Variants in NPAS3 observed in about 807,000 individuals in gnomAD.
NPAS3 encodes neuronal PAS domain protein 3.
NPAS3 carries 14 observed loss-of-function variants against 73.1 expected under a neutral mutation model. The observed-to-expected ratio is 0.19, with a 90% confidence interval of 0.13 to 0.30. The LOEUF is 0.30. NPAS3 is among the 10% of genes least tolerant of loss of function. The pLI, the probability that NPAS3 is intolerant of heterozygous loss-of-function variation, is 1.00. For synonymous variants in NPAS3, 620 were observed against 541.5 expected (o/e 1.14, Z -2.01); for missense variants, 1,096 against 1,250.0 (o/e 0.88, Z 1.86).
At chr14:33,710,867 C>T (rs913987085) in intron 6 of NPAS3, among the ~76,000 whole-genome samples, 4 of 152,170 alleles carry the variant, frequency 2.6e-5, no homozygotes, top group East Asian at 1.9e-4. Context: ...CCTTTATTTC[C>T]GTTATGTACA....
intron 1 of NPAS3, among the ~76,000 whole-genome samples, chr14:33,052,878 C>T (rs977177477): frequency 6.6e-6 from 1 of 151,940 alleles, no homozygotes; most frequent in African/African-American, 2.4e-5. Flanking sequence ...TAATATCTTA[C>T]TTATCACTGA....
intron 3 of NPAS3, among the ~76,000 whole-genome samples, chr14:33,280,555 A>G (rs1354800497): frequency 6.6e-6 from 1 of 152,188 alleles, no homozygotes; most frequent in East Asian, 1.9e-4. Flanking sequence ...TCTATGAAAT[A>G]GAAATAGTAA....
intron 5 of NPAS3, among the ~76,000 whole-genome samples, chr14:33,671,580 A>T (rs2059611095): frequency 6.6e-6 from 1 of 152,208 alleles, no homozygotes. Context: ...CAGGAAAAAA[A>T]GAGTTTAAAC....
rs76435070 is a variant in NPAS3 at position 33,358,820 on chromosome 14, G to A, written c.386-8366G>A. Among the ~76,000 whole-genome samples, 866 of 152,306 alleles carry A rather than the reference G, an allele frequency of 5.7e-3. 1 individual carries two copies. The highest frequency in any genetic ancestry group is 0.01 in the Non-Finnish European group (696 of 68,032). ...CCAACGTATCTATAAGTGGAAATAG[G>A]AGCCTGGCTTATATCCCTAGCACCT... On this transcript the variant is annotated intron_variant, in intron 3 of 11. Coordinates refer to ENST00000356141, the Ensembl canonical transcript of NPAS3.
At chr14:33,408,738 C>T (rs952213769) in intron 4 of NPAS3, among the ~76,000 whole-genome samples, 2 of 152,008 alleles carry the variant, frequency 1.3e-5, no homozygotes, top group Non-Finnish European at 2.9e-5. Flanking sequence ...AAGGAAGACA[C>T]CAGGAACAAA....
At chr14:32,999,246 T>C (rs2038706549) in intron 1 of NPAS3, among the ~76,000 whole-genome samples, 1 of 152,150 alleles carries the variant, frequency 6.6e-6, no homozygotes, top group Admixed American at 6.5e-5. Context: ...GTGCGGTGGC[T>C]CATGCCTGTA....
At chr14:33,311,729 A>G (rs1277422612) in intron 3 of NPAS3, among the ~76,000 whole-genome samples, 1 of 152,138 alleles carries the variant, frequency 6.6e-6, no homozygotes, top group Non-Finnish European at 1.5e-5. Context: ...CTTGCTTTCC[A>G]GGAATTCAGT....
intron 5 of NPAS3, among the ~76,000 whole-genome samples, chr14:33,611,349 A>C (rs149657289): frequency 0.011 from 1,615 of 152,330 alleles, 17 homozygotes; most frequent in South Asian, 0.019. Context: ...TGTGGTTGTG[A>C]GTTTTGCTTT....
intron 2 of NPAS3, among the ~76,000 whole-genome samples, chr14:33,114,457 T>C (rs1159235356): frequency 6.6e-6 from 1 of 152,196 alleles, no homozygotes; most frequent in Non-Finnish European, 1.5e-5. Context: ...GCCGTGCTGC[T>C]GAGAATCTGT....
At chr14:33,256,803 T>C (rs1284750128) in intron 3 of NPAS3, among the ~76,000 whole-genome samples, 1 of 152,198 alleles carries the variant, frequency 6.6e-6, no homozygotes, top group East Asian at 1.9e-4. Flanking sequence ...TCAATATTGT[T>C]GACACACTCT....
chr14:33,372,115 G>C (rs991522274), intron 4 of NPAS3, among the ~76,000 whole-genome samples: 17 of 152,096 alleles, frequency 1.1e-4, no homozygotes, highest in African/African-American at 3.9e-4. Context: ...ATTGAATTTG[G>C]AAACTAAAGT....
intron 1 of NPAS3, among the ~76,000 whole-genome samples, chr14:32,951,224 C>A (rs775827574): frequency 1.3e-5 from 2 of 151,564 alleles, no homozygotes; most frequent in Admixed American, 1.3e-4. Context: ...CTTCCAGCTG[C>A]AAAAATCTAT....
At chr14:33,263,077 C>T (rs1327036761) in intron 3 of NPAS3, among the ~76,000 whole-genome samples, 1 of 152,164 alleles carries the variant, frequency 6.6e-6, no homozygotes, top group Non-Finnish European at 1.5e-5. Flanking sequence ...GTTGCCTGTT[C>T]ACTCTGATGG....
chr14:33,030,780 G>A (rs1432939641), intron 1 of NPAS3, among the ~76,000 whole-genome samples: 1 of 152,178 alleles, frequency 6.6e-6, no homozygotes, highest in East Asian at 1.9e-4. Context: ...AATGGAGGAC[G>A]AGGACATGCA....
intron 2 of NPAS3, among the ~76,000 whole-genome samples, chr14:33,059,799 C>T (rs2041029847): frequency 6.6e-6 from 1 of 152,152 alleles, no homozygotes; most frequent in Non-Finnish European, 1.5e-5. Flanking sequence ...CTAACTATAA[C>T]TTTGAACTTT....
intron 2 of NPAS3, among the ~76,000 whole-genome samples, chr14:33,092,813 C>T (rs1178368093): frequency 6.6e-6 from 1 of 152,192 alleles, no homozygotes; most frequent in East Asian, 1.9e-4. Flanking sequence ...GAAATAACAA[C>T]ACACATCTAC....
At chr14:33,451,082 T>C (rs756402881) in intron 4 of NPAS3, among the ~76,000 whole-genome samples, 2 of 152,230 alleles carry the variant, frequency 1.3e-5, no homozygotes, top group Non-Finnish European at 2.9e-5. Context: ...CAGCTAGACT[T>C]GGAGATCCTT....
chr14:33,726,638 A>G (rs111745702), intron 6 of NPAS3, among the ~76,000 whole-genome samples: 1,557 of 152,120 alleles, frequency 0.01, 18 homozygotes, highest in African/African-American at 0.035. Context: ...ATTCATCACC[A>G]CCTGAAATTA....
intron 1 of NPAS3, among the ~76,000 whole-genome samples, chr14:32,996,074 T>C (rs576159578): frequency 3.3e-5 from 5 of 152,152 alleles, no homozygotes; most frequent in African/African-American, 1.2e-4. Flanking sequence ...TGGTCTCAAA[T>C]GGAGATGAGG....
Sources: allele counts gnomAD v4.1 joint callset (sites outside exome capture counted in the v4.1 genomes callset), GRCh38; gene constraint gnomAD v4.1.1; transcripts MANE v1.5; gene names NCBI Gene and HGNC (gene_info 2026-07-23, HGNC 2026-07-21).